The following CDKAL1 variants were observed in gnomAD, a reference collection of about 807,000 sequenced individuals.
CDKAL1 encodes the protein CDKAL1 threonylcarbamoyladenosine tRNA methylthiotransferase, also known as threonylcarbamoyladenosine tRNA methylthiotransferase.
CDKAL1 carries 32 observed loss-of-function variants against 68.2 expected under a neutral mutation model. That is an observed-to-expected ratio of 0.47 (90% CI 0.35 to 0.63). The LOEUF is 0.63. CDKAL1 is among the 30% of genes least tolerant of loss of function. The pLI, the probability that CDKAL1 is intolerant of heterozygous loss-of-function variation, is 0.00. For synonymous variants in CDKAL1, 234 were observed against 244.3 expected, an observed-to-expected ratio of 0.96 and a Z score of 0.39; for missense variants, 606 against 696.7, an observed-to-expected ratio of 0.87 and a Z score of 1.47.
At chr6:20,750,941 G>A (rs1242050803) in intron 6 of CDKAL1, among the ~76,000 whole-genome samples, 1 of 106,098 alleles carries the variant, frequency 9.4e-6, no homozygotes, top group East Asian at 3.0e-4. Flanking sequence ...TCCAGGCTGA[G>A]CAACAGAGTG....
At chr6:21,029,068 G>A (rs914276310) in intron 11 of CDKAL1, among the ~76,000 whole-genome samples, 1 of 151,634 alleles carries the variant, frequency 6.6e-6, no homozygotes, top group African/African-American at 2.4e-5. Context: ...TTCATTTTTG[G>A]CAGAGTCTCA....
chr6:21,121,940 C>T (rs976000960), intron 13 of CDKAL1, among the ~76,000 whole-genome samples: 8 of 152,228 alleles, frequency 5.3e-5, no homozygotes, highest in South Asian at 2.1e-4. Flanking sequence ...TTTGGGGTTA[C>T]GTGGTCTTTA....
At chr6:20,975,183 GCTAA>G in intron 10 of CDKAL1, among the ~76,000 whole-genome samples, 1 of 152,094 alleles carries the variant, frequency 6.6e-6, no homozygotes, top group East Asian at 1.9e-4. Context: ...TGGCCATCCG[GCTAA>G]CTACGAACCC....
At chr6:21,135,964 C>G (rs1038551840) in intron 13 of CDKAL1, among the ~76,000 whole-genome samples, 3 of 152,162 alleles carry the variant, frequency 2.0e-5, no homozygotes, top group African/African-American at 7.2e-5. Flanking sequence ...TATATAAATA[C>G]CAAAACACAA....
chr6:20,758,663 T>C lies in CDKAL1; in HGVS notation c.517+20T>C. 1 of 1,581,934 alleles carries C rather than the reference T, an allele frequency of 6.3e-7. No homozygotes were observed. The highest frequency in any genetic ancestry group is 8.7e-7 in the Non-Finnish European group (1 of 1,154,384). On this transcript the variant is annotated intron_variant, in intron 7 of 15. Coordinates refer to ENST00000274695, the MANE Select transcript of CDKAL1 (RefSeq NM_017774.3). ...TTAAAGGTAATCGTTGAAAGTGAGA[T>C]AAACAGATGTATATATTTTCTGAAC...
In CDKAL1 at chr6:21,205,823, G is replaced by A. The variant is rs563196396; in HGVS notation, c.1548+4549G>A. 4.0e-3 allele frequency among the ~76,000 whole-genome samples: 435 copies of A among 108,794 alleles called. 4 individuals carry two copies. The Middle Eastern group carries it at 0.043, about 11-fold the overall frequency. 71.4% of individuals were successfully genotyped at this position (108,794 alleles called of 152,430 possible). A position where few individuals can be genotyped will look rare whatever the true frequency, so the allele number is the denominator to read the frequency against. On this transcript the variant is annotated intron_variant, in intron 15 of 15. Coordinates refer to ENST00000274695, the MANE Select transcript of CDKAL1 (RefSeq NM_017774.3). ...TGGGATTACATGCGTGAGCCCCCGC[G>A]CCCAGCCTTTTTTTTTTTTTTTTTT...
chr6:21,197,877 A>G, intron 13 of CDKAL1, 144 bp from the exon 14 acceptor site: 1 of 455,828 alleles, frequency 2.2e-6, no homozygotes. Context: ...TTCGCTGTTA[A>G]ATAACCAGCA....
intron 4 of CDKAL1, among the ~76,000 whole-genome samples, chr6:20,647,595 T>C (rs1301962098): frequency 6.6e-6 from 1 of 152,214 alleles, no homozygotes; most frequent in African/African-American, 2.4e-5. Flanking sequence ...AAGAATTGTC[T>C]ACACACAGTC....
At chr6:20,664,819 G>A (rs771753540) in intron 5 of CDKAL1, among the ~76,000 whole-genome samples, 5 of 151,972 alleles carry the variant, frequency 3.3e-5, no homozygotes, top group Admixed American at 6.6e-5. Context: ...CTTGTATATC[G>A]AGAAATTTGC....
intron 9 of CDKAL1, among the ~76,000 whole-genome samples, chr6:20,868,527 CAGCTGCAGTGCCTTATGGA>C (rs1202051978): frequency 2.6e-5 from 4 of 152,232 alleles, no homozygotes; most frequent in African/African-American, 9.6e-5. Flanking sequence ...GTGGCAGCAG[CAGCTGCAGTGCCTTATGGA>C]AGCCAACTTC....
intron 9 of CDKAL1, among the ~76,000 whole-genome samples, chr6:20,851,940 C>T (rs1021486500): frequency 2.6e-5 from 4 of 151,740 alleles, no homozygotes; most frequent in African/African-American, 7.3e-5. Flanking sequence ...ACACTGATTT[C>T]GACCCAAGAT....
intron 4 of CDKAL1, among the ~76,000 whole-genome samples, chr6:20,554,705 C>T (rs557969511): frequency 7.9e-5 from 12 of 152,282 alleles, no homozygotes; most frequent in African/African-American, 2.4e-4. Context: ...CACTCCCTAG[C>T]CTGATAGTGG....
intron 4 of CDKAL1, chr6:20,558,798 G>C: frequency 2.9e-6 from 1 of 344,778 alleles, no homozygotes; most frequent in South Asian, 2.2e-5. Context: ...AAGAGTGGAA[G>C]AAAAGTCGAC....
At chr6:20,799,680 A>G (rs761921989) in intron 8 of CDKAL1, 6 of 152,210 alleles carry the variant, frequency 3.9e-5, no homozygotes, top group Non-Finnish European at 7.3e-5. Context: ...TACTGGAGGT[A>G]GGATTGGGCC....
chr6:20,833,993 C>T (rs746028738), intron 8 of CDKAL1, among the ~76,000 whole-genome samples: 3 of 152,132 alleles, frequency 2.0e-5, no homozygotes, highest in African/African-American at 7.2e-5. Flanking sequence ...GGAAATCCAG[C>T]GATCTGTGCT....
intron 5 of CDKAL1, among the ~76,000 whole-genome samples, chr6:20,679,502 G>A: frequency 6.6e-6 from 1 of 152,266 alleles, no homozygotes; most frequent in East Asian, 1.9e-4. Flanking sequence ...GTAGCAATGA[G>A]CTCATTATCA....
At position 21,089,206 on chromosome 6, in the gene CDKAL1, T is replaced by C. The variant is rs1003833567; in HGVS notation, c.1237-19195T>C. Among the ~76,000 whole-genome samples the C allele has an allele frequency of 2.6e-5, 4 of 152,158 alleles. 1 individual carries two copies. Among genetic ancestry groups the C allele is most frequent in the African/African-American group, 7.2e-5 (3 of 41,450 alleles). On this transcript the variant is annotated intron_variant, in intron 12 of 15. Transcript: ENST00000274695. ...AAATTTACAGATAGGACGGGTGTGG[T>C]GGCTGATGCCCACAATCCCAGCACT...
chr6:21,158,497 T>C (rs1395009434), intron 13 of CDKAL1, among the ~76,000 whole-genome samples: 1 of 152,208 alleles, frequency 6.6e-6, no homozygotes, highest in Non-Finnish European at 1.5e-5. Flanking sequence ...AGGGTCATGA[T>C]GAAGCTCCAA....
chr6:20,966,240 G>C (rs112658108), intron 10 of CDKAL1, among the ~76,000 whole-genome samples: 324 of 152,286 alleles, frequency 2.1e-3, no homozygotes, highest in African/African-American at 7.3e-3. Flanking sequence ...ATGTACATCT[G>C]TTCTCTACAT....
Sources: allele counts gnomAD v4.1 joint callset (sites outside exome capture counted in the v4.1 genomes callset), GRCh38; gene constraint gnomAD v4.1.1; transcripts MANE v1.5; gene names NCBI Gene and HGNC (gene_info 2026-07-23, HGNC 2026-07-21).